Variants in ABI1 observed in about 807,000 individuals in gnomAD.
The protein encoded by ABI1 is Abelson interactor 1.
In ABI1, 14 loss-of-function variants were observed where a neutral mutation model predicts 54.6. The ratio of observed to expected loss-of-function variants is 0.26; its 90% confidence interval spans 0.17 to 0.40. The LOEUF (loss-of-function observed/expected upper bound fraction) is 0.40, where lower values mean the gene tolerates loss of function less well. Among genes scored for constraint, ABI1 ranks in the 10% least tolerant of loss-of-function variants. ABI1 has a pLI of 1.00. For missense variants in ABI1, 443 were observed against 598.3 expected, an observed-to-expected ratio of 0.74 and a Z score of 2.71; for synonymous variants, 194 against 209.3, an observed-to-expected ratio of 0.93 and a Z score of 0.63.
Position 26,767,526 on chromosome 10 carries a change from T to C in ABI1, c.719+1326A>G, listed in dbSNP as rs550200220. Among the ~76,000 whole-genome samples the C allele has an allele frequency of 1.7e-4, 26 of 152,242 alleles. No individual in the cohort carries two copies. The South Asian group carries it at 4.8e-3, about 28-fold the overall frequency. On this transcript the variant is annotated intron_variant, in intron 6 of 10. Transcript: ENST00000376140. ...TAAAGCACTCAAAAATTGAAGTGGC[T>C]ATATTTTGGGGGAAGAAGGTCGAGG...
intron 4 of ABI1, 25 bp downstream of exon 4, chr10:26,771,050 T>A (rs1157356825): frequency 1.2e-6 from 2 of 1,613,202 alleles, no homozygotes; most frequent in African/African-American, 2.7e-5. Flanking sequence ...ATACTGTGGA[T>A]CAAATGATAA....
At position 26,850,585 on chromosome 10, in the gene ABI1, G is replaced by A. The variant is rs556392116; in HGVS notation, c.117+10162C>T. On this transcript the variant is annotated intron_variant, in intron 1 of 10. Transcript: ENST00000376140. ...AGGCAGGAGAATTGCCTGAACCTGG[G>A]AGGCAGAGGTTGCAGTGAGCCAAGA... Among the ~76,000 whole-genome samples, 10 of 151,748 alleles carry A rather than the reference G, an allele frequency of 6.6e-5. No homozygotes were observed. In the South Asian group the frequency reaches 2.1e-3, roughly 32 times the overall value.
At chr10:26,783,535 A>T (rs1842390133) in intron 2 of ABI1, among the ~76,000 whole-genome samples, 1 of 152,204 alleles carries the variant, frequency 6.6e-6, no homozygotes, top group Admixed American at 6.5e-5. Flanking sequence ...TCTACACAGG[A>T]GTACAGCAGT....
chr10:26,860,476 C>T lies in ABI1; in HGVS notation c.117+271G>A, dbSNP rs2051219187. On this transcript the variant is annotated intron_variant, in intron 1 of 10. Transcript: ENST00000376140. The surrounding 1 kb of genome is among the most constrained non-coding windows in gnomAD (Gnocchi z 4.1). The stretch of plus-strand genomic sequence containing the variant: ...CGGACGCGAGGGGGGCGCCGGGCTG[C>T]GGCAGCGGCGGGCTCCCGGCTCCCT... 6.6e-6 allele frequency among the ~76,000 whole-genome samples: 1 copy of T among 152,188 alleles called. No homozygotes were observed. The highest frequency in any genetic ancestry group is 1.5e-5 in the Non-Finnish European group (1 of 68,022).
chr10:26,814,992 C>T lies in ABI1; in HGVS notation c.285+8146G>A, dbSNP rs909967845. Reference sequence around the variant, plus strand: ...TGTCCTAATTGGCACATAATCTATGCTGTATTAAGAGATTATAAAGCAGAA... The same window carrying T: ...TGTCCTAATTGGCACATAATCTATGTTGTATTAAGAGATTATAAAGCAGAA... On this transcript the variant is annotated intron_variant, in intron 2 of 10. Transcript: ENST00000376140. Among the ~76,000 whole-genome samples, 12 of 151,992 alleles carry T rather than the reference C, an allele frequency of 7.9e-5. No individual in the cohort carries two copies. The East Asian group carries it at 2.3e-3, about 29-fold the overall frequency.
rs1179518691 is a variant in ABI1 at position 26,746,780 on chromosome 10, A to G, written c.*1790T>C. The stretch of plus-strand genomic sequence containing the variant: ...TGTAAGGCCATTACACAAATAAATA[A>G]CCAATGTTAAAATTCAAATGGTTTG... On this transcript the variant is annotated 3_prime_UTR_variant, in exon 11 of 11. Coordinates refer to ENST00000376140, the MANE Select transcript of ABI1 (RefSeq NM_001012750.3). 5 of 411,528 alleles carry G rather than the reference A, an allele frequency of 1.2e-5. No individual in the cohort carries two copies. Among genetic ancestry groups the G allele is most frequent in the Non-Finnish European group, 2.3e-5 (5 of 220,766 alleles). The allele number at this position is 411,528 out of a possible 1,614,324, so 25.5% of individuals were successfully genotyped here.
intron 2 of ABI1, among the ~76,000 whole-genome samples, chr10:26,797,115 T>A (rs1844283796): frequency 6.6e-6 from 1 of 152,182 alleles, no homozygotes; most frequent in African/African-American, 2.4e-5. Context: ...ATATACACAG[T>A]AAAATTTATT....
At chr10:26,814,824 G>T (rs530178961) in intron 2 of ABI1, among the ~76,000 whole-genome samples, 1 of 152,198 alleles carries the variant, frequency 6.6e-6, no homozygotes, top group East Asian at 1.9e-4. Flanking sequence ...CACACTGAAA[G>T]GAAAGGGACT....
intron 6 of ABI1, among the ~76,000 whole-genome samples, chr10:26,766,926 G>A (rs555859033): frequency 1.5e-4 from 23 of 152,270 alleles, no homozygotes; most frequent in African/African-American, 5.5e-4. Context: ...TTTACGTATT[G>A]TCAATGGCTG....
intron 2 of ABI1, among the ~76,000 whole-genome samples, chr10:26,796,095 T>A (rs1348750513): frequency 6.6e-6 from 1 of 151,542 alleles, no homozygotes; most frequent in Non-Finnish European, 1.5e-5. Flanking sequence ...TCTCAAAAAA[T>A]AAAATAAAAG....
intron 1 of ABI1, among the ~76,000 whole-genome samples, chr10:26,834,355 G>A (rs1280043922): frequency 6.6e-6 from 1 of 152,072 alleles, no homozygotes; most frequent in Non-Finnish European, 1.5e-5. Flanking sequence ...AAAAGCTCCT[G>A]CACAAGAAAG....
At chr10:26,765,101 G>T in intron 7 of ABI1, 117 bp downstream of exon 7, 3 of 732,280 alleles carry the variant, frequency 4.1e-6, no homozygotes, top group Non-Finnish European at 6.5e-6. Flanking sequence ...CTTTATTCTA[G>T]CAACGATCAC....
At chr10:26,754,643 T>C (rs1167636930) in intron 9 of ABI1, among the ~76,000 whole-genome samples, 2 of 152,136 alleles carry the variant, frequency 1.3e-5, no homozygotes, top group Non-Finnish European at 2.9e-5. Context: ...AGAATGGAAT[T>C]TGCCACAATA....
At chr10:26,832,910 C>A (rs2048780913) in intron 1 of ABI1, among the ~76,000 whole-genome samples, 1 of 152,186 alleles carries the variant, frequency 6.6e-6, no homozygotes, top group Non-Finnish European at 1.5e-5. Context: ...TACATATATG[C>A]AATGCCTAGC....
intron 1 of ABI1, among the ~76,000 whole-genome samples, chr10:26,833,791 C>CACACACACA (rs2048844597): frequency 7.0e-6 from 1 of 142,384 alleles, no homozygotes; most frequent in Non-Finnish European, 1.6e-5. Flanking sequence ...CACACACACA[C>CACACACACA]ACTTCATTAC....
intron 2 of ABI1, among the ~76,000 whole-genome samples, chr10:26,796,987 G>A (rs951309542): frequency 6.6e-6 from 1 of 152,146 alleles, no homozygotes; most frequent in South Asian, 2.1e-4. Context: ...AGTAATGTTC[G>A]CTGGCCCTCT....
intron 2 of ABI1, among the ~76,000 whole-genome samples, chr10:26,817,038 C>T (rs1191364144): frequency 6.8e-6 from 1 of 146,814 alleles, no homozygotes; most frequent in Admixed American, 6.7e-5. Context: ...CTTACTCTGT[C>T]GCCCAGGCTG....
intron 2 of ABI1, among the ~76,000 whole-genome samples, chr10:26,809,981 T>A (rs138834458): frequency 1.3e-5 from 2 of 152,340 alleles, no homozygotes; most frequent in East Asian, 3.9e-4. Context: ...ATATGGGTAG[T>A]GTTTCCCTGA....
chr10:26,806,887 C>T (rs1564523431), intron 2 of ABI1, among the ~76,000 whole-genome samples: 2 of 152,166 alleles, frequency 1.3e-5, no homozygotes, highest in Admixed American at 6.5e-5. Context: ...CCTTTGACTA[C>T]AAAAAGTTTT....
Sources: allele counts gnomAD v4.1 joint callset (sites outside exome capture counted in the v4.1 genomes callset), GRCh38; gene constraint gnomAD v4.1.1; non-coding constraint Gnocchi (gnomAD v3.1); transcripts MANE v1.5; gene names NCBI Gene and HGNC (gene_info 2026-07-23, HGNC 2026-07-21).